The following VRK1 variants were observed in gnomAD, a reference collection of about 807,000 sequenced individuals.
VRK1 encodes serine/threonine-protein kinase VRK1.
A neutral mutation model predicts 57.1 loss-of-function variants in VRK1; 33 were observed. That is an observed-to-expected ratio of 0.58 (90% confidence interval 0.44 to 0.77). The LOEUF is 0.77. Among genes scored for constraint, VRK1 ranks in the 30% least tolerant of loss-of-function variants. VRK1 has a pLI of 0.00. For synonymous variants in VRK1, 137 were observed against 147.8 expected (o/e 0.93, Z 0.53); for missense variants, 413 against 477.3 (o/e 0.87, Z 1.25).
chr14:96,809,524 C>T (rs1193652793), intron 1 of VRK1, among the ~76,000 whole-genome samples: 2 of 149,892 alleles, frequency 1.3e-5, no homozygotes, highest in African/African-American at 4.9e-5. Context: ...GAGTAGAATT[C>T]CTGGTCAAAA....
intron 12 of VRK1, among the ~76,000 whole-genome samples, chr14:96,879,411 T>C (rs778041964): frequency 1.2e-4 from 19 of 152,156 alleles, no homozygotes; most frequent in Non-Finnish European, 1.8e-4. Flanking sequence ...AGCAGTGATA[T>C]TTAATTTCAG....
At chr14:96,797,793 G>A (rs2032135471) in intron 1 of VRK1, among the ~76,000 whole-genome samples, 1 of 152,242 alleles carries the variant, frequency 6.6e-6, no homozygotes, top group Admixed American at 6.5e-5. Context: ...CGGGAAGCCG[G>A]TTCTGTCAGG....
At chr14:96,860,466 A>G in intron 10 of VRK1, 91 bp from the exon 11 acceptor site, 1 of 1,289,256 alleles carries the variant, frequency 7.8e-7, no homozygotes, top group Non-Finnish European at 1.1e-6. Flanking sequence ...GTGTATTTGC[A>G]TTCTAACTTT....
chr14:96,881,232 C>A lies in VRK1; in HGVS notation c.*24C>A. On this transcript the variant is annotated 3_prime_UTR_variant, in exon 13 of 13. Coordinates refer to ENST00000216639, the MANE Select transcript of VRK1 (RefSeq NM_003384.3). The stretch of plus-strand genomic sequence containing the variant: ...AATTCAGATGCTGTGAACCAGATTT[C>A]CTTTTCTTTGTTTTCTTTTGACTTT... 1 of 1,590,564 alleles carries A rather than the reference C, an allele frequency of 6.3e-7. No homozygotes were observed. Among genetic ancestry groups the A allele is most frequent in the South Asian group, 1.1e-5 (1 of 87,944 alleles).
intron 5 of VRK1, among the ~76,000 whole-genome samples, chr14:96,849,250 C>T (rs1057151617): frequency 4.6e-5 from 7 of 152,030 alleles, no homozygotes; most frequent in Non-Finnish European, 2.9e-5. Flanking sequence ...AAGAAAAACC[C>T]TTAGTGATGA....
At chr14:96,814,966 G>T (rs1351571660) in intron 1 of VRK1, among the ~76,000 whole-genome samples, 1 of 152,130 alleles carries the variant, frequency 6.6e-6, no homozygotes, top group African/African-American at 2.4e-5. Flanking sequence ...GTCTTTTATT[G>T]TATATAATGC....
chr14:96,805,151 A>G (rs1885821541), intron 1 of VRK1, among the ~76,000 whole-genome samples: 1 of 152,230 alleles, frequency 6.6e-6, no homozygotes, highest in South Asian at 2.1e-4. Context: ...TTATTTAATC[A>G]GTATGTCCTG....
At chr14:96,803,155 T>C (rs2139678194) in intron 1 of VRK1, among the ~76,000 whole-genome samples, 1 of 151,706 alleles carries the variant, frequency 6.6e-6, no homozygotes, top group Admixed American at 6.6e-5. Context: ...AGTGCAAGAC[T>C]AGTGATGCTG....
At chr14:96,852,046 GAGCAGAAGCTAAGC>G (rs1190554658) in intron 5 of VRK1, among the ~76,000 whole-genome samples, 1 of 152,218 alleles carries the variant, frequency 6.6e-6, no homozygotes, top group Non-Finnish European at 1.5e-5. Context: ...GTGGTCCTCA[GAGCAGAAGCTAAGC>G]AGTGTTATTG....
At chr14:96,837,643 A>T in intron 2 of VRK1, 119 bp from the exon 3 acceptor site, 1 of 488,824 alleles carries the variant, frequency 2.0e-6, no homozygotes, top group Non-Finnish European at 3.3e-6. Flanking sequence ...TGATATCCTG[A>T]AACACATACT....
chr14:96,835,419 G>A (rs977637355), intron 2 of VRK1, among the ~76,000 whole-genome samples: 4 of 151,982 alleles, frequency 2.6e-5, no homozygotes, highest in Admixed American at 1.3e-4. Context: ...TGTGTGCTCC[G>A]GCTTTTCTTC....
rs1888003806 is a variant in VRK1 at position 96,852,844 on chromosome 14, A to T, written c.388A>T (p.Ile130Leu). ...ATTTGTCTTCAGTTACAGGTTTATG[A>T]TAATGGATCGCTTTGGGAGTGACCT... is the stretch of plus-strand genomic sequence containing the variant. ...DKNGKSYRFMIMDRFGSDLQK... is the reference protein window; with the variant it reads ...DKNGKSYRFMLMDRFGSDLQK... The change falls in exon 6 of 13, where the codon ATA becomes TTA. Residue 130 changes from isoleucine (I) to leucine (L), a missense_variant. By Grantham distance (5) the Ile-to-Leu change is conservative. Coordinates refer to ENST00000216639, the MANE Select transcript of VRK1 (RefSeq NM_003384.3). The T allele has an allele frequency of 1.9e-6, 3 of 1,613,814 alleles. No individual in the cohort carries two copies. The highest frequency in any genetic ancestry group is 2.5e-6 in the Non-Finnish European group (3 of 1,179,790).
In VRK1 at chr14:96,846,111, G is replaced by A; in HGVS notation, c.233G>A (p.Gly78Glu). 1.2e-6 allele frequency: 2 copies of A among 1,613,296 alleles called. No individual in the cohort carries two copies. Among genetic ancestry groups the A allele is most frequent in the Non-Finnish European group, 1.7e-6 (2 of 1,179,522 alleles). ...CVVKVEPSDN[G>E]PLFTELKFYQ... ...TATTTTAAGGAACCCAGTGACAATG[G>A]ACCTCTTTTTACTGAATTAAAGTTC... is the stretch of plus-strand genomic sequence containing the variant. The change falls in exon 4 of 13, where the codon GGA becomes GAA. Residue 78 changes from glycine to glutamate, a missense_variant. Coordinates refer to ENST00000216639, the MANE Select transcript of VRK1 (RefSeq NM_003384.3).
rs547821991 is a variant in VRK1, at chr14:96,860,678, C to A, written c.1011C>A (p.Gly337=). The change falls in exon 11 of 13, where the codon GGC becomes GGA. Residue 337 remains glycine (G), a synonymous_variant. Coordinates refer to ENST00000216639, the MANE Select transcript of VRK1 (RefSeq NM_003384.3). Reference sequence around the variant, plus strand: ...AAGCTATAGGAAGTAAGGATGATGGCAAATTGGACCTCAGTGTTGTGGAGA... The same window carrying A: ...AAGCTATAGGAAGTAAGGATGATGGAAAATTGGACCTCAGTGTTGTGGAGA... ...GLKAIGSKDD[G]KLDLSVVENG... 3.1e-6 allele frequency: 5 copies of A among 1,613,312 alleles called. No individual in the cohort carries two copies. In the Admixed American group the frequency reaches 8.3e-5, roughly 27 times the overall value.
At chr14:96,817,368 C>CT (rs960974279) in intron 1 of VRK1, among the ~76,000 whole-genome samples, 11 of 151,376 alleles carry the variant, frequency 7.3e-5, no homozygotes, top group East Asian at 3.9e-4. Flanking sequence ...TTGTTTATGG[C>CT]TTTTTTTTAA....
At chr14:96,848,338 T>C (rs1208531215) in intron 5 of VRK1, among the ~76,000 whole-genome samples, 1 of 152,166 alleles carries the variant, frequency 6.6e-6, no homozygotes, top group South Asian at 2.1e-4. Context: ...TGGCAGACTT[T>C]CTCTCACGTT....
chr14:96,848,546 G>GA (rs1163903427), intron 5 of VRK1, among the ~76,000 whole-genome samples: 5 of 152,148 alleles, frequency 3.3e-5, no homozygotes, highest in Non-Finnish European at 7.4e-5. Flanking sequence ...GGAGTGTGGG[G>GA]ATCCCTGAAG....
At chr14:96,827,416 C>G (rs1886842300) in intron 1 of VRK1, among the ~76,000 whole-genome samples, 1 of 151,938 alleles carries the variant, frequency 6.6e-6, no homozygotes, top group South Asian at 2.1e-4. Flanking sequence ...TTTTCTTAAT[C>G]TCTTAAGGTG....
intron 1 of VRK1, among the ~76,000 whole-genome samples, chr14:96,820,002 C>T (rs547998514): frequency 1.2e-4 from 18 of 152,256 alleles, no homozygotes; most frequent in African/African-American, 3.9e-4. Context: ...CGCCAGGATT[C>T]ACAAAGCTGT....
Sources: allele counts gnomAD v4.1 joint callset (sites outside exome capture counted in the v4.1 genomes callset), GRCh38; gene constraint gnomAD v4.1.1; transcripts MANE v1.5; gene names NCBI Gene and HGNC (gene_info 2026-07-23, HGNC 2026-07-21).